ADAMTS3: variants seen among roughly 807,000 people sequenced by gnomAD.
ADAMTS3 encodes A disintegrin and metalloproteinase with thrombospondin motifs 3.
In ADAMTS3, 73 loss-of-function variants were observed where a neutral mutation model predicts 129.0. The ratio of observed to expected loss-of-function variants is 0.57; its 90% CI spans 0.47 to 0.69. The LOEUF is 0.69. Ranked by LOEUF, ADAMTS3 falls within the 30% of genes least tolerant of loss-of-function variation. The probability of loss-of-function intolerance (pLI) is 0.00; values close to 1 mark genes in which losing one functional copy is unlikely to be tolerated. For synonymous variants in ADAMTS3, 477 were observed against 510.8 expected, an observed-to-expected ratio of 0.93 and a Z score of 0.89; for missense variants, 1,457 against 1,514.5, an observed-to-expected ratio of 0.96 and a Z score of 0.63.
Position 72,338,326 on chromosome 4 carries a change from T to C in ADAMTS3, c.861+1168A>G, listed in dbSNP as rs141214083. On this transcript the variant is annotated intron_variant, in intron 5 of 21. Transcript: ENST00000286657. ...CACAAATGATGATCCTCTGAACACATCTATTGCCAAGGCTAGTAATTTGTT... is the reference window on the plus strand; with the variant it reads ...CACAAATGATGATCCTCTGAACACACCTATTGCCAAGGCTAGTAATTTGTT... 6.3e-3 allele frequency among the ~76,000 whole-genome samples: 961 copies of C among 152,208 alleles called. 7 individuals are homozygous for C. The highest frequency in any genetic ancestry group is 0.022 in the African/African-American group (915 of 41,558).
At chr4:72,535,807 A>T (rs1451980653) in intron 3 of ADAMTS3, among the ~76,000 whole-genome samples, 1 of 152,156 alleles carries the variant, frequency 6.6e-6, no homozygotes, top group Non-Finnish European at 1.5e-5. Context: ...AAAAGACAGC[A>T]AAAGAATGAG....
chr4:72,438,054 T>C (rs1187738940), intron 3 of ADAMTS3, among the ~76,000 whole-genome samples: 1 of 151,694 alleles, frequency 6.6e-6, no homozygotes, highest in Non-Finnish European at 1.5e-5. Context: ...TGATTTAAAG[T>C]GATTTTAAGC....
At chr4:72,493,410 C>T (rs1455814893) in intron 3 of ADAMTS3, among the ~76,000 whole-genome samples, 1 of 151,854 alleles carries the variant, frequency 6.6e-6, no homozygotes, top group Non-Finnish European at 1.5e-5. Context: ...TTGTGGTTAG[C>T]TCATGGCTTG....
intron 17 of ADAMTS3, among the ~76,000 whole-genome samples, chr4:72,303,264 C>T (rs995438748): frequency 5.3e-5 from 8 of 152,028 alleles, no homozygotes; most frequent in Non-Finnish European, 8.8e-5. Context: ...TGCAAACCAG[C>T]TGAGGCCTAG....
At chr4:72,386,413 A>G (rs1323399701) in intron 4 of ADAMTS3, among the ~76,000 whole-genome samples, 1 of 151,758 alleles carries the variant, frequency 6.6e-6, no homozygotes, top group Admixed American at 6.6e-5. Flanking sequence ...ATATTGGCAA[A>G]CAACATTTTG....
intron 5 of ADAMTS3, among the ~76,000 whole-genome samples, chr4:72,335,069 G>A (rs1377903068): frequency 6.6e-6 from 1 of 152,120 alleles, no homozygotes; most frequent in African/African-American, 2.4e-5. Context: ...TTAAGCCCCA[G>A]AGAAAAGTGT....
At chr4:72,327,277 C>G (rs1017588207) in intron 5 of ADAMTS3, among the ~76,000 whole-genome samples, 1 of 151,962 alleles carries the variant, frequency 6.6e-6, no homozygotes, top group Non-Finnish European at 1.5e-5. Context: ...TCAAGATGGG[C>G]TAAATTCTTA....
rs559076677 is a variant in ADAMTS3 at position 72,320,262 on chromosome 4, C to A, written c.1103-299G>T. Among the ~76,000 whole-genome samples, 7 of 152,232 alleles carry A rather than the reference C, an allele frequency of 4.6e-5. No individual in the cohort carries two copies. In the East Asian group the frequency reaches 1.4e-3, roughly 29 times the overall value. On this transcript the variant is annotated intron_variant, in intron 7 of 21. Coordinates refer to ENST00000286657, the MANE Select transcript of ADAMTS3 (RefSeq NM_014243.3). ...TGTTTTAGTAAATGGTCCTTCATAT[C>A]GTGGTACTGATGAAGGAAGCCAGAA...
intron 5 of ADAMTS3, among the ~76,000 whole-genome samples, chr4:72,332,232 T>TA (rs1486671080): frequency 2.6e-5 from 4 of 152,164 alleles, no homozygotes; most frequent in African/African-American, 9.6e-5. Flanking sequence ...TCAAAAAAGT[T>TA]AAAAAATCAA....
chr4:72,435,179 C>T (rs1170797332), intron 3 of ADAMTS3, among the ~76,000 whole-genome samples: 1 of 151,752 alleles, frequency 6.6e-6, no homozygotes, highest in East Asian at 2.0e-4. Flanking sequence ...TCAAAAAAGA[C>T]ATTTGATTGC....
intron 3 of ADAMTS3, among the ~76,000 whole-genome samples, chr4:72,538,832 T>C (rs72853095): frequency 0.012 from 1,839 of 152,160 alleles, 33 homozygotes; most frequent in African/African-American, 0.042. Flanking sequence ...AGCAGTGGAA[T>C]AGAATAGAAA....
chr4:72,397,286 C>G (rs1268492869), intron 4 of ADAMTS3, among the ~76,000 whole-genome samples: 6 of 152,000 alleles, frequency 3.9e-5, no homozygotes, highest in African/African-American at 1.2e-4. Flanking sequence ...AGTATATCAG[C>G]CGGGCGCAGT....
intron 3 of ADAMTS3, among the ~76,000 whole-genome samples, chr4:72,454,257 A>C (rs1470641849): frequency 6.6e-6 from 1 of 151,714 alleles, no homozygotes; most frequent in East Asian, 2.0e-4. Context: ...CTTTGACTTA[A>C]GTATTTTTGG....
chr4:72,463,317 C>T lies in ADAMTS3; in HGVS notation c.505-48346G>A, dbSNP rs148630732. On this transcript the variant is annotated intron_variant, in intron 3 of 21. Coordinates refer to ENST00000286657, the MANE Select transcript of ADAMTS3 (RefSeq NM_014243.3). ...CACATTTCTCAGAATATATCCTCCA[C>T]ATTAAGCAAGGCATGACTGTAATGG... Among the ~76,000 whole-genome samples, 30 of 152,134 alleles carry T rather than the reference C, an allele frequency of 2.0e-4. No homozygotes were observed. The East Asian group carries it at 5.8e-3, about 30-fold the overall frequency.
intron 4 of ADAMTS3, among the ~76,000 whole-genome samples, chr4:72,371,468 A>C (rs1721003185): frequency 6.6e-6 from 1 of 151,670 alleles, no homozygotes; most frequent in Non-Finnish European, 1.5e-5. Flanking sequence ...TAAATAAATA[A>C]ATAAATAAAG....
rs577370391 is a variant in ADAMTS3, at chr4:72,356,111, T to C, written c.662-16418A>G. On this transcript the variant is annotated intron_variant, in intron 4 of 21. Transcript: ENST00000286657. ...AAATACAGCAAGTGATCAATAAATATTTGTTAAACAAATGAGTGAACAAAT... is the reference window on the plus strand; with the variant it reads ...AAATACAGCAAGTGATCAATAAATACTTGTTAAACAAATGAGTGAACAAAT... Among the ~76,000 whole-genome samples the C allele has an allele frequency of 2.0e-5, 3 of 152,192 alleles. No homozygotes were observed. In the East Asian group the frequency reaches 5.8e-4, roughly 29 times the overall value.
intron 3 of ADAMTS3, among the ~76,000 whole-genome samples, chr4:72,531,774 T>C (rs1443084312): frequency 1.3e-5 from 2 of 152,168 alleles, no homozygotes; most frequent in Non-Finnish European, 2.9e-5. Flanking sequence ...AGGTCCGCAT[T>C]ATACCAGGCA....
chr4:72,370,423 G>C (rs1475392889), intron 4 of ADAMTS3, among the ~76,000 whole-genome samples: 2 of 151,842 alleles, frequency 1.3e-5, no homozygotes, highest in Non-Finnish European at 2.9e-5. Context: ...ATATCAATCT[G>C]CTTATTGTAT....
chr4:72,448,615 G>A (rs1449912985), intron 3 of ADAMTS3, among the ~76,000 whole-genome samples: 1 of 151,600 alleles, frequency 6.6e-6, no homozygotes, highest in Non-Finnish European at 1.5e-5. Flanking sequence ...ATAATAGGCT[G>A]TAATACCAAA....
Sources: gnomAD v4.1 joint callset for allele counts (sites outside exome capture counted in the v4.1 genomes callset) on GRCh38, gnomAD v4.1.1 for gene constraint, MANE v1.5 for transcripts, NCBI Gene and HGNC (gene_info 2026-07-23, HGNC 2026-07-21) for gene names.